NCAM2: variants seen among roughly 807,000 people sequenced by gnomAD.
NCAM2 encodes the protein neural cell adhesion molecule 2, also known as N-CAM-2.
NCAM2 carries 30 observed loss-of-function variants against 98.1 expected under a neutral mutation model. The observed-to-expected ratio is 0.31, with a 90% confidence interval of 0.23 to 0.41. NCAM2 has a LOEUF of 0.41. Among genes scored for constraint, NCAM2 ranks in the 10% least tolerant of loss-of-function variants. NCAM2 has a pLI of 1.00. For missense variants in NCAM2, 867 were observed against 1,005.8 expected (o/e 0.86, Z 1.87); for synonymous variants, 368 against 342.4 (o/e 1.07, Z -0.83).
At chr21:21,358,697 A>C (rs2075563162) in intron 8 of NCAM2, among the ~76,000 whole-genome samples, 1 of 152,176 alleles carries the variant, frequency 6.6e-6, no homozygotes, top group South Asian at 2.1e-4. Flanking sequence ...TGGTAGTTTT[A>C]ACACTGATTT....
chr21:21,176,991 A>G (rs990705516), intron 1 of NCAM2, among the ~76,000 whole-genome samples: 30 of 152,126 alleles, frequency 2.0e-4, no homozygotes, highest in Admixed American at 1.9e-3. Flanking sequence ...TGTATTCAAT[A>G]TCAATGCCTA....
At chr21:21,319,258 C>T (rs567958882) in intron 5 of NCAM2, among the ~76,000 whole-genome samples, 5 of 152,168 alleles carry the variant, frequency 3.3e-5, no homozygotes, top group African/African-American at 1.2e-4. Flanking sequence ...TGAAAACATA[C>T]AAATAAAGAA....
chr21:21,070,873 G>T (rs892532451), intron 1 of NCAM2, among the ~76,000 whole-genome samples: 3 of 152,110 alleles, frequency 2.0e-5, no homozygotes, highest in Non-Finnish European at 2.9e-5. Context: ...AGAGGAAAAT[G>T]GAAAGTAGTT....
At chr21:21,077,267 T>TA (rs1286597443) in intron 1 of NCAM2, among the ~76,000 whole-genome samples, 1 of 152,214 alleles carries the variant, frequency 6.6e-6, no homozygotes, top group Non-Finnish European at 1.5e-5. Context: ...ATTAACATTT[T>TA]ACTTCATCCC....
At chr21:21,253,965 G>A (rs1237000422) in intron 1 of NCAM2, among the ~76,000 whole-genome samples, 2 of 152,042 alleles carry the variant, frequency 1.3e-5, no homozygotes, top group Non-Finnish European at 2.9e-5. Context: ...AAAATGCAGA[G>A]GGATTATAAA....
intron 15 of NCAM2, among the ~76,000 whole-genome samples, chr21:21,481,388 A>G (rs1199782446): frequency 6.6e-6 from 1 of 152,242 alleles, no homozygotes; most frequent in Non-Finnish European, 1.5e-5. Flanking sequence ...CAAGAAGAAT[A>G]GATGTAAAGT....
intron 8 of NCAM2, among the ~76,000 whole-genome samples, 165 bp downstream of exon 8, chr21:21,338,699 T>G (rs1382002364): frequency 6.6e-6 from 1 of 152,158 alleles, no homozygotes. Context: ...TTTACCACTT[T>G]CGTGGGAGGG....
intron 5 of NCAM2, among the ~76,000 whole-genome samples, chr21:21,300,948 CAT>C (rs2073690210): frequency 6.6e-6 from 1 of 151,968 alleles, no homozygotes; most frequent in African/African-American, 2.4e-5. Flanking sequence ...AAAATTTCAA[CAT>C]ATATTTATTA....
chr21:21,356,296 C>A (rs1420024979), intron 8 of NCAM2, among the ~76,000 whole-genome samples: 3 of 152,074 alleles, frequency 2.0e-5, no homozygotes, highest in Non-Finnish European at 2.9e-5. Context: ...TATATACTTA[C>A]AAATATTTTA....
intron 1 of NCAM2, among the ~76,000 whole-genome samples, chr21:21,238,659 A>G (rs1780776817): frequency 6.6e-6 from 1 of 152,150 alleles, no homozygotes; most frequent in African/African-American, 2.4e-5. Flanking sequence ...TTGTTAACTC[A>G]GGCCTACATC....
intron 1 of NCAM2, among the ~76,000 whole-genome samples, chr21:21,212,169 G>T (rs1017212643): frequency 1.2e-4 from 18 of 152,150 alleles, no homozygotes; most frequent in African/African-American, 4.3e-4. Flanking sequence ...TGTCCTTCAA[G>T]AGGTGAATGG....
intron 1 of NCAM2, among the ~76,000 whole-genome samples, chr21:21,004,680 G>A (rs151145390): frequency 6.6e-6 from 1 of 152,262 alleles, no homozygotes; most frequent in East Asian, 1.9e-4. Context: ...TGAGTCCTTA[G>A]CGGTTTAGTG....
intron 1 of NCAM2, among the ~76,000 whole-genome samples, chr21:21,276,829 G>T (rs920024470): frequency 2.0e-5 from 3 of 151,804 alleles, no homozygotes; most frequent in African/African-American, 7.3e-5. Context: ...ATATCATTGT[G>T]CCCATTCACC....
At chr21:21,256,980 A>G (rs984355522) in intron 1 of NCAM2, among the ~76,000 whole-genome samples, 4 of 152,098 alleles carry the variant, frequency 2.6e-5, no homozygotes, top group Admixed American at 2.0e-4. Flanking sequence ...CCTTCCTCTG[A>G]TTTTCTGAAT....
chr21:21,173,998 A>G (rs2068202994), intron 1 of NCAM2, among the ~76,000 whole-genome samples: 1 of 152,130 alleles, frequency 6.6e-6, no homozygotes, highest in Non-Finnish European at 1.5e-5. Flanking sequence ...ATCTCAGCTC[A>G]CTGCAACCTC....
intron 1 of NCAM2, among the ~76,000 whole-genome samples, chr21:21,244,260 A>G (rs2071177373): frequency 6.6e-6 from 1 of 152,166 alleles, no homozygotes; most frequent in Non-Finnish European, 1.5e-5. Context: ...GTTGCTCCCA[A>G]GAAGAAAAGA....
Position 21,200,032 on chromosome 21 carries a change from T to C in NCAM2, c.56-80546T>C, listed in dbSNP as rs373823007. 3.9e-5 allele frequency among the ~76,000 whole-genome samples: 6 copies of C among 152,216 alleles called. No homozygotes were observed. The East Asian group carries it at 1.2e-3, about 30-fold the overall frequency. ...CACTCCATGAAGACTGCCCCCGAATTGTCAGGGATTCCAAGAAAGAAAATG... is the reference window on the plus strand; with the variant it reads ...CACTCCATGAAGACTGCCCCCGAATCGTCAGGGATTCCAAGAAAGAAAATG... On this transcript the variant is annotated intron_variant, in intron 1 of 17. Coordinates refer to ENST00000400546, the MANE Select transcript of NCAM2 (RefSeq NM_004540.5).
rs181078685 is a variant in NCAM2 at position 21,200,817 on chromosome 21, A to G, written c.56-79761A>G. ...AGCATTTTGGTTCCATCTTTGAGAAATAAAATTAGTCTTATAAACTGTGTG... is the reference window on the plus strand; with the variant it reads ...AGCATTTTGGTTCCATCTTTGAGAAGTAAAATTAGTCTTATAAACTGTGTG... On this transcript the variant is annotated intron_variant, in intron 1 of 17. Transcript: ENST00000400546. Among the ~76,000 whole-genome samples, 37 of 148,370 alleles carry G rather than the reference A, an allele frequency of 2.5e-4. No individual in the cohort carries two copies. The East Asian group carries it at 7.4e-3, about 30-fold the overall frequency.
chr21:21,036,187 A>G (rs1257441715), intron 1 of NCAM2, among the ~76,000 whole-genome samples: 2 of 152,160 alleles, frequency 1.3e-5, no homozygotes, highest in Non-Finnish European at 2.9e-5. Context: ...TCAAAATATG[A>G]TCCCCACTCA....
Sources: allele counts gnomAD v4.1 joint callset (sites outside exome capture counted in the v4.1 genomes callset), GRCh38; gene constraint gnomAD v4.1.1; transcripts MANE v1.5; gene names NCBI Gene and HGNC (gene_info 2026-07-23, HGNC 2026-07-21).